Variants in TOR1AIP2 observed in about 807,000 individuals in gnomAD.
TOR1AIP2 encodes torsin-1A-interacting protein 2.
TOR1AIP2 carries 20 observed loss-of-function variants against 32.6 expected under a neutral mutation model. The ratio of observed to expected loss-of-function variants is 0.61; its 90% CI spans 0.43 to 0.89. TOR1AIP2 has a LOEUF of 0.89. Among genes scored for constraint, TOR1AIP2 ranks in the 40% least tolerant of loss-of-function variants. The probability of loss-of-function intolerance (pLI) is 0.00; values close to 1 mark genes in which losing one functional copy is unlikely to be tolerated. For missense variants in TOR1AIP2, 456 were observed against 553.8 expected, an observed-to-expected ratio of 0.82 and a Z score of 1.77; for synonymous variants, 214 against 210.8, an observed-to-expected ratio of 1.02 and a Z score of -0.13.
At chr1:179,867,608 T>C (rs543533136) in intron 2 of TOR1AIP2, 1 of 152,206 alleles carries the variant, frequency 6.6e-6, no homozygotes, top group Non-Finnish European at 1.5e-5. Flanking sequence ...GATACTATTG[T>C]AGTGTCAGCA....
In TOR1AIP2 at chr1:179,863,706, G is replaced by A. The variant is rs545774081; in HGVS notation, c.-147+1730C>T. 98 of 963,996 alleles carry A rather than the reference G, an allele frequency of 1.0e-4. No homozygotes were observed. The African/African-American group carries it at 1.5e-3, about 14-fold the overall frequency. The allele number at this position is 963,996 out of a possible 1,614,324, so 59.7% of individuals were successfully genotyped here. A position where few individuals can be genotyped will look rare whatever the true frequency, so the allele number is the denominator to read the frequency against. ...AAAAAAAAAAAAAAAAAAGAGGATC[G>A]CAAGGGGGAAGGACACAAAGAAGCT... On this transcript the variant is annotated intron_variant, in intron 3 of 6. Coordinates refer to ENST00000609928, the MANE Select transcript of TOR1AIP2 (RefSeq NM_001199260.2).
chr1:179,856,881 T>C (rs1407997097), intron 3 of TOR1AIP2, among the ~76,000 whole-genome samples: 1 of 152,102 alleles, frequency 6.6e-6, no homozygotes, highest in Non-Finnish European at 1.5e-5. Context: ...CACAAAGTGG[T>C]GGGGATTACA....
chr1:179,867,185 T>C (rs1281419), intron 2 of TOR1AIP2, among the ~76,000 whole-genome samples: 15,192 of 152,256 alleles, frequency 0.1, 1,298 homozygotes, highest in African/African-American at 0.23. Flanking sequence ...GAGGCTCTGA[T>C]AGTGCTACGA....
rs972952573 is a variant in TOR1AIP2, at chr1:179,861,326, T to C, written c.-147+4110A>G. On this transcript the variant is annotated intron_variant, in intron 3 of 6. Coordinates refer to ENST00000609928, the MANE Select transcript of TOR1AIP2 (RefSeq NM_001199260.2). ...GAGTATTCTAGAATAACCTGCAATA[T>C]TTTAAGCCATATGAAGACATACTAG... The C allele has an allele frequency of 6.1e-6, 6 of 985,324 alleles. No individual in the cohort carries two copies. In the African/African-American group the frequency reaches 8.7e-5, roughly 14 times the overall value. The allele number at this position is 985,324 out of a possible 1,614,324, so 61.0% of individuals were successfully genotyped here. A position where few individuals can be genotyped will look rare whatever the true frequency, so the allele number is the denominator to read the frequency against.
Position 179,845,845 on chromosome 1 carries a change from G to T in TOR1AIP2, c.*226C>A. ...ATCATCGATATTTCAAACCTGATTT[G>T]GTCCAAAGAAAAAAAGTCAGGTTAA... On this transcript the variant is annotated 3_prime_UTR_variant, in exon 7 of 7. Coordinates refer to ENST00000609928, the MANE Select transcript of TOR1AIP2 (RefSeq NM_001199260.2). 2.1e-6 allele frequency: 1 copy of T among 479,210 alleles called. No homozygotes were observed. The allele number at this position is 479,210 out of a possible 1,614,324, so 29.7% of individuals were successfully genotyped here. A position where few individuals can be genotyped will look rare whatever the true frequency, so the allele number is the denominator to read the frequency against.
At position 179,846,099 on chromosome 1, in the gene TOR1AIP2, C is replaced by T; in HGVS notation, c.1385G>A (p.Ser462Asn). 24 of 1,614,204 alleles carry T rather than the reference C, an allele frequency of 1.5e-5. No individual in the cohort carries two copies. Among genetic ancestry groups the T allele is most frequent in the Non-Finnish European group, 2.0e-5 (24 of 1,180,032 alleles). ...GAAAAGGCACCCCTGTTCTTCTATGCTACTCACTGGCTGGACTGGCAGTAC... is the reference window on the plus strand; with the variant it reads ...GAAAAGGCACCCCTGTTCTTCTATGTTACTCACTGGCTGGACTGGCAGTAC... ...HLVLPVQPVS[S>N]IEEQGCLF Residue 462 changes from serine (S) to asparagine (N), a missense_variant, in exon 7 of 7, where the codon AGC becomes AAC. By Grantham distance (46) the Ser-to-Asn change is conservative. Coordinates refer to ENST00000609928, the MANE Select transcript of TOR1AIP2 (RefSeq NM_001199260.2).
In TOR1AIP2 at chr1:179,842,330, G is replaced by A. The variant is rs577231367; in HGVS notation, c.*3741C>T. 22 of 152,142 alleles carry A rather than the reference G, an allele frequency of 1.4e-4. No homozygotes were observed. Among genetic ancestry groups the A allele is most frequent in the Non-Finnish European group, 2.9e-4 (20 of 68,014 alleles). 9.4% of individuals were successfully genotyped at this position (152,142 alleles called of 1,614,324 possible). A position where few individuals can be genotyped will look rare whatever the true frequency, so the allele number is the denominator to read the frequency against. ...CCTTATTAACCACCATACACTTGGG[G>A]GCTTCCAAATGAAATGTATTGAAAT... On this transcript the variant is annotated 3_prime_UTR_variant, in exon 7 of 7. Transcript: ENST00000609928.
At position 179,851,118 on chromosome 1, in the gene TOR1AIP2, A is replaced by G. The variant is rs1221774183; in HGVS notation, c.280T>C (p.Phe94Leu). 6.2e-7 allele frequency: 1 copy of G among 1,613,856 alleles called. No homozygotes were observed. Among genetic ancestry groups the G allele is most frequent in the African/African-American group, 1.3e-5 (1 of 74,824 alleles). The change falls in exon 5 of 7, where the codon TTT (phenylalanine) becomes CTT (leucine). Residue 94 changes from phenylalanine (F) to leucine (L), a missense_variant. By Grantham distance (22) the Phe-to-Leu change is conservative (BLOSUM62 0). Coordinates refer to ENST00000609928, the MANE Select transcript of TOR1AIP2 (RefSeq NM_001199260.2). ...DKTEDENKQS[F>L]LDGGKGHHLP... ...TGATGCCCTTTTCCGCCATCCAGAA[A>G]ACTCTGCTTGTTCTCATCTTCTGTT...
At chr1:179,847,111 CTA>C (rs1483824720) in intron 6 of TOR1AIP2, among the ~76,000 whole-genome samples, 2 of 152,108 alleles carry the variant, frequency 1.3e-5, no homozygotes, top group Non-Finnish European at 2.9e-5. Flanking sequence ...AAAGCTGAGT[CTA>C]TGTATTTGTT....
At chr1:179,874,615 TAGTC>T (rs1168084492) in intron 2 of TOR1AIP2, 1 of 151,734 alleles carries the variant, frequency 6.6e-6, no homozygotes, top group Non-Finnish European at 1.5e-5. Context: ...ATACAAAAAT[TAGTC>T]AGGTATGGTG....
In TOR1AIP2 at chr1:179,847,293, A is replaced by G. The variant is rs115776841; in HGVS notation, c.655+242T>C. The stretch of plus-strand genomic sequence containing the variant: ...GGCAGTTTTTGTTTCTTGTTTAGGA[A>G]AAGCCTTTCCTATTGTGAGAAATTC... On this transcript the variant is annotated intron_variant, in intron 6 of 6. Coordinates refer to ENST00000609928, the MANE Select transcript of TOR1AIP2 (RefSeq NM_001199260.2). Among the ~76,000 whole-genome samples the G allele has an allele frequency of 9.6e-3, 1,466 of 152,354 alleles. 24 individuals carry two copies. Among genetic ancestry groups the G allele is most frequent in the African/African-American group, 0.032 (1,322 of 41,572 alleles).
At position 179,842,346 on chromosome 1, in the gene TOR1AIP2, G is replaced by A. The variant is rs1695747950; in HGVS notation, c.*3725C>T. 6.6e-6 allele frequency: 1 copy of A among 152,194 alleles called. No homozygotes were observed. The highest frequency in any genetic ancestry group is 6.5e-5 in the Admixed American group (1 of 15,278). 9.4% of individuals were successfully genotyped at this position (152,194 alleles called of 1,614,324 possible). A position where few individuals can be genotyped will look rare whatever the true frequency, so the allele number is the denominator to read the frequency against. ...ACACTTGGGGGCTTCCAAATGAAATGTATTGAAATGTCTTTATTGATTGCT... is the reference window on the plus strand; with the variant it reads ...ACACTTGGGGGCTTCCAAATGAAATATATTGAAATGTCTTTATTGATTGCT... On this transcript the variant is annotated 3_prime_UTR_variant, in exon 7 of 7. Coordinates refer to ENST00000609928, the MANE Select transcript of TOR1AIP2 (RefSeq NM_001199260.2).
At chr1:179,864,762 A>T in intron 3 of TOR1AIP2, 1 of 1,559,572 alleles carries the variant, frequency 6.4e-7, no homozygotes, top group Non-Finnish European at 8.6e-7. Flanking sequence ...AGACTTGACA[A>T]TTTTGACTAT....
intron 2 of TOR1AIP2, among the ~76,000 whole-genome samples, chr1:179,870,615 C>T (rs559054137): frequency 9.9e-5 from 15 of 151,626 alleles, no homozygotes; most frequent in African/African-American, 3.1e-4. Context: ...GTAATAATTT[C>T]GTTTTCTCAT....
chr1:179,877,725 T>A lies in TOR1AIP2; in HGVS notation c.-733A>T, dbSNP rs1248058353. 1 of 152,196 alleles carries A rather than the reference T, an allele frequency of 6.6e-6. No homozygotes were observed. 9.4% of individuals were successfully genotyped at this position (152,196 alleles called of 1,614,324 possible). A position where few individuals can be genotyped will look rare whatever the true frequency, so the allele number is the denominator to read the frequency against. The stretch of plus-strand genomic sequence containing the variant: ...GGCGAAGTTTTAAATCGTAAAACTG[T>A]TAGTATCAGGAGAGCCCTTCGAGTA... On this transcript the variant is annotated 5_prime_UTR_variant, in exon 1 of 7. Coordinates refer to ENST00000609928, the MANE Select transcript of TOR1AIP2 (RefSeq NM_001199260.2).
intron 2 of TOR1AIP2, chr1:179,874,014 C>T (rs1697102719): frequency 6.6e-6 from 1 of 152,212 alleles, no homozygotes; most frequent in Non-Finnish European, 1.5e-5. Flanking sequence ...GTCCTAGTTC[C>T]TTTAAAAACC....
intron 2 of TOR1AIP2, chr1:179,875,092 C>G (rs1390113293): frequency 6.6e-6 from 1 of 152,318 alleles, no homozygotes; most frequent in Non-Finnish European, 1.5e-5. Flanking sequence ...CTCCGCCTCC[C>G]AGGTTCAAAT....
intron 2 of TOR1AIP2, chr1:179,875,033 T>C: frequency 6.5e-6 from 1 of 154,006 alleles, no homozygotes; most frequent in Non-Finnish European, 1.4e-5. Flanking sequence ...GGAGTCTCGC[T>C]CTGTCGCCCA....
chr1:179,861,261 A>AG, intron 3 of TOR1AIP2: 1 of 985,088 alleles, frequency 1.0e-6, no homozygotes, highest in Non-Finnish European at 1.2e-6. Flanking sequence ...CCAACACAGC[A>AG]TTTATATTTT....
Sources: allele counts gnomAD v4.1 joint callset (sites outside exome capture counted in the v4.1 genomes callset), GRCh38; gene constraint gnomAD v4.1.1; transcripts MANE v1.5; gene names NCBI Gene and HGNC (gene_info 2026-07-23, HGNC 2026-07-21).